Variants in USP33 observed in about 807,000 individuals in gnomAD.
USP33 encodes ubiquitin carboxyl-terminal hydrolase 33.
USP33 carries 46 observed loss-of-function variants against 124.2 expected under a neutral mutation model. The ratio of observed to expected loss-of-function variants is 0.37; its 90% CI spans 0.29 to 0.47. The LOEUF is 0.47. Ranked by LOEUF, USP33 falls within the 20% of genes least tolerant of loss-of-function variation. The pLI, the probability that USP33 is intolerant of heterozygous loss-of-function variation, is 0.99. For missense variants in USP33, 851 were observed against 1,070.6 expected (o/e 0.79, Z 2.86); for synonymous variants, 350 against 352.3 (o/e 0.99, Z 0.07).
At position 77,741,719 on chromosome 1, in the gene USP33, T is replaced by C; in HGVS notation, c.-22A>G. On this transcript the variant is annotated 5_prime_UTR_variant, in exon 2 of 24. Transcript: ENST00000370794. The stretch of plus-strand genomic sequence containing the variant: ...ACATTTTGTTAGGAATTTTTTCCTG[T>C]TTCCCAAGACTTTCAAAATGAGGTA... The C allele has an allele frequency of 6.2e-7, 1 of 1,604,394 alleles. No individual in the cohort carries two copies. Among genetic ancestry groups the C allele is most frequent in the Non-Finnish European group, 8.5e-7 (1 of 1,176,446 alleles).
chr1:77,732,153 T>C (rs1456872364), intron 7 of USP33, among the ~76,000 whole-genome samples: 1 of 151,826 alleles, frequency 6.6e-6, no homozygotes, highest in Non-Finnish European at 1.5e-5. Context: ...ACTTACTAGC[T>C]GGTTATATCG....
In USP33 at chr1:77,723,366, T is replaced by C. The variant is rs144892388; in HGVS notation, c.1354A>G (p.Ile452Val). ...GTCAGACACTGCACTGAACTAATGA[T>C]TGTTCCATCAAATATGTCTGAAATA... The part of the protein sequence containing the change: ...SVISDIFDGT[I>V]ISSVQCLTCD... The change falls in exon 12 of 24, where the codon ATC (isoleucine) becomes GTC (valine). Residue 452 changes from isoleucine to valine, a missense_variant. Coordinates refer to ENST00000370794, the MANE Select transcript of USP33 (RefSeq NM_201624.3). The C allele has an allele frequency of 5.0e-5, 81 of 1,613,400 alleles. No homozygotes were observed. In the African/African-American group the frequency reaches 5.9e-4, roughly 12 times the overall value.
At chr1:77,697,968 A>T (rs757147824) in intron 22 of USP33, 37 bp from the exon 23 acceptor site, 2 of 1,565,790 alleles carry the variant, frequency 1.3e-6, no homozygotes, top group South Asian at 2.4e-5. Context: ...TTTTCAAAGA[A>T]ATGTAACAAA....
Position 77,730,838 on chromosome 1 carries a change from T to C in USP33, c.525-107A>G, listed in dbSNP as rs555233956. 8 of 657,180 alleles carry C rather than the reference T, an allele frequency of 1.2e-5. No individual in the cohort carries two copies. The South Asian group carries it at 2.8e-4, about 23-fold the overall frequency. 40.7% of individuals were successfully genotyped at this position (657,180 alleles called of 1,614,324 possible). A position where few individuals can be genotyped will look rare whatever the true frequency, so the allele number is the denominator to read the frequency against. ...CATACATTCCTTTAGCCGTTATTTC[T>C]TTCTTTGATCCCTCTTACAGCTTCA... On this transcript the variant is annotated intron_variant, in intron 7 of 23. Coordinates refer to ENST00000370794, the MANE Select transcript of USP33 (RefSeq NM_201624.3).
intron 6 of USP33, 151 bp downstream of exon 6, chr1:77,735,905 C>G (rs78458442): frequency 2.0e-6 from 1 of 495,582 alleles, no homozygotes; most frequent in Non-Finnish European, 3.4e-6. Flanking sequence ...GTTTGTTTTG[C>G]AAATAAAATT....
rs1553190682 is a variant in USP33 at position 77,709,882 on chromosome 1, T to TATACAC, written c.2406+1864_2406+1865insGTGTAT. Among the ~76,000 whole-genome samples, 49 of 144,892 alleles carry TATACAC rather than the reference T, an allele frequency of 3.4e-4. 1 individual carries two copies. In the South Asian group the frequency reaches 0.01, roughly 31 times the overall value. ...TCAAGTTTCTATACATGCATACACA[T>TATACAC]ACACACACACACACACACACACACA... On this transcript the variant is annotated intron_variant, in intron 21 of 23. Coordinates refer to ENST00000370794, the MANE Select transcript of USP33 (RefSeq NM_201624.3).
chr1:77,748,667 C>CAAAAAA (rs796272242), intron 1 of USP33, among the ~76,000 whole-genome samples: 10 of 84,010 alleles, frequency 1.2e-4, no homozygotes, highest in African/African-American at 4.2e-4. Flanking sequence ...GACTCCGTCT[C>CAAAAAA]AAAAAAAAAA....
chr1:77,759,781 C>A lies in USP33; in HGVS notation c.-190G>T. ...GGAGGGCCGGAAAACGGCCCCGCAG[C>A]GCTGCCCTCGGGGGGTCCGCCTCCT... On this transcript the variant is annotated 5_prime_UTR_variant, in exon 1 of 24. Coordinates refer to ENST00000370794, the MANE Select transcript of USP33 (RefSeq NM_201624.3). 2.5e-6 allele frequency: 1 copy of A among 397,846 alleles called. No individual in the cohort carries two copies. The highest frequency in any genetic ancestry group is 4.4e-6 in the Non-Finnish European group (1 of 225,510). The allele number at this position is 397,846 out of a possible 1,614,324, so 24.6% of individuals were successfully genotyped here. A position where few individuals can be genotyped will look rare whatever the true frequency, so the allele number is the denominator to read the frequency against.
At chr1:77,744,414 G>GA (rs1255406748) in intron 1 of USP33, among the ~76,000 whole-genome samples, 1 of 152,090 alleles carries the variant, frequency 6.6e-6, no homozygotes. Flanking sequence ...TGATATAGGG[G>GA]AAAATGTTCA....
In USP33 at chr1:77,714,601, C is replaced by T. The variant is rs1293391865; in HGVS notation, c.2215+13G>A. On this transcript the variant is annotated intron_variant, in intron 19 of 23. Transcript: ENST00000370794. Reference sequence around the variant, plus strand: ...AAACTTCTACTACCGGTTTGCATTACAGGAGTTCTTACCTCCATGAATACA... The same window carrying T: ...AAACTTCTACTACCGGTTTGCATTATAGGAGTTCTTACCTCCATGAATACA... 3 of 1,607,252 alleles carry T rather than the reference C, an allele frequency of 1.9e-6. No homozygotes were observed. The highest frequency in any genetic ancestry group is 4.5e-5 in the East Asian group (2 of 44,786).
At chr1:77,713,873 C>T (rs1214011076) in intron 19 of USP33, among the ~76,000 whole-genome samples, 8 of 152,196 alleles carry the variant, frequency 5.3e-5, no homozygotes, top group Non-Finnish European at 2.9e-5. Context: ...CTTACACTCT[C>T]TCTCCCAAGA....
At chr1:77,711,616 T>C in intron 21 of USP33, 131 bp downstream of exon 21, 1 of 1,437,838 alleles carries the variant, frequency 7.0e-7, no homozygotes. Flanking sequence ...TCATTCACCA[T>C]TATGCACCTA....
chr1:77,713,484 A>C, intron 19 of USP33: 2 of 469,418 alleles, frequency 4.3e-6, no homozygotes, highest in Non-Finnish European at 7.3e-6. Flanking sequence ...TCCTGGGCTC[A>C]AGGCATCCTC....
chr1:77,713,371 T>C (rs947722564), intron 19 of USP33, 90 bp from the exon 20 acceptor site: 2 of 1,061,256 alleles, frequency 1.9e-6, no homozygotes, highest in African/African-American at 3.4e-5. Flanking sequence ...AGTAACTAAA[T>C]GACAGATCAA....
intron 21 of USP33, among the ~76,000 whole-genome samples, chr1:77,702,161 AAAAAAAAAAAAAAAAAC>A (rs1192114245): frequency 8.4e-5 from 12 of 142,312 alleles, no homozygotes; most frequent in Admixed American, 6.9e-4. Flanking sequence ...AAAAAAAAAA[AAAAAAAAAAAAAAAAAC>A]CAGTGGTACA....
intron 1 of USP33, among the ~76,000 whole-genome samples, chr1:77,753,093 T>TA (rs1039038529): frequency 4.6e-5 from 7 of 151,510 alleles, no homozygotes; most frequent in Middle Eastern, 3.4e-3. Flanking sequence ...AAATAAAAAA[T>TA]AAAAAAAATT....
chr1:77,717,661 G>A (rs1428764025), intron 17 of USP33: 1 of 329,860 alleles, frequency 3.0e-6, no homozygotes, highest in Non-Finnish European at 5.4e-6. Context: ...TTATTTAAAA[G>A]ATTAATTAGG....
intron 9 of USP33, among the ~76,000 whole-genome samples, chr1:77,729,546 C>T (rs1220761600): frequency 6.6e-6 from 1 of 152,072 alleles, no homozygotes; most frequent in Non-Finnish European, 1.5e-5. Flanking sequence ...TGGCACACAT[C>T]TGCAATCCCA....
intron 21 of USP33, among the ~76,000 whole-genome samples, chr1:77,704,875 G>A (rs533229080): frequency 6.6e-6 from 1 of 152,144 alleles, no homozygotes; most frequent in Admixed American, 6.5e-5. Flanking sequence ...CTCTACCCAG[G>A]CAGATACCTT....
Sources: gnomAD v4.1 joint callset for allele counts (sites outside exome capture counted in the v4.1 genomes callset) on GRCh38, gnomAD v4.1.1 for gene constraint, MANE v1.5 for transcripts, NCBI Gene and HGNC (gene_info 2026-07-23, HGNC 2026-07-21) for gene names.